The following NXPH2 variants were observed in gnomAD, a reference collection of about 807,000 sequenced individuals.
The protein encoded by NXPH2 is neurexophilin-2.
A neutral mutation model predicts 19.8 loss-of-function variants in NXPH2; 5 were observed. That is an observed-to-expected ratio of 0.25 (90% CI 0.13 to 0.53). The LOEUF is 0.53. Ranked by LOEUF, NXPH2 falls within the 20% of genes least tolerant of loss-of-function variation. NXPH2 has a pLI of 0.96. For missense variants in NXPH2, 289 were observed against 322.8 expected (o/e 0.90, Z 0.80); for synonymous variants, 154 against 127.4 (o/e 1.21, Z -1.41).
At chr2:138,718,049 G>A (rs926410204) in intron 1 of NXPH2, among the ~76,000 whole-genome samples, 3 of 151,998 alleles carry the variant, frequency 2.0e-5, no homozygotes, top group Admixed American at 1.3e-4. Flanking sequence ...TAAAAAATGG[G>A]TTCAGGAAGT....
At chr2:138,699,056 A>G (rs1347889579) in intron 1 of NXPH2, among the ~76,000 whole-genome samples, 1 of 152,162 alleles carries the variant, frequency 6.6e-6, no homozygotes. Context: ...ACTAAATAGA[A>G]ATGAAAAAAT....
chr2:138,686,125 T>C (rs1680646866), intron 1 of NXPH2, among the ~76,000 whole-genome samples: 1 of 152,208 alleles, frequency 6.6e-6, no homozygotes, highest in South Asian at 2.1e-4. Flanking sequence ...TAATTAAAAC[T>C]TAATCAATAA....
intron 1 of NXPH2, among the ~76,000 whole-genome samples, chr2:138,756,292 C>T (rs941970783): frequency 2.6e-5 from 4 of 151,982 alleles, no homozygotes; most frequent in African/African-American, 4.8e-5. Flanking sequence ...CACTGTTAGG[C>T]CAAGATATGT....
In NXPH2 at chr2:138,699,074, A is replaced by C. The variant is rs182576443; in HGVS notation, c.52-27409T>G. Among the ~76,000 whole-genome samples the C allele has an allele frequency of 1.6e-4, 25 of 152,302 alleles. No individual in the cohort carries two copies. The East Asian group carries it at 4.6e-3, about 28-fold the overall frequency. ...AAATAGAAATGAAAAAATTATTGAA[A>C]ATGTATGTGAATGTATGTATGTACA... On this transcript the variant is annotated intron_variant, in intron 1 of 1. Transcript: ENST00000272641.
intron 1 of NXPH2, among the ~76,000 whole-genome samples, chr2:138,713,973 C>CAAA (rs202017615): frequency 2.5e-4 from 36 of 142,550 alleles, no homozygotes; most frequent in South Asian, 1.3e-3. Context: ...AACAAAAAAG[C>CAAA]AAAAAAAAAA....
At chr2:138,706,641 G>A (rs1026584407) in intron 1 of NXPH2, among the ~76,000 whole-genome samples, 5 of 152,150 alleles carry the variant, frequency 3.3e-5, no homozygotes, top group Non-Finnish European at 5.9e-5. Flanking sequence ...GCCAGGTGTC[G>A]TGGTTCACGC....
At chr2:138,731,363 T>G (rs546983642) in intron 1 of NXPH2, among the ~76,000 whole-genome samples, 1 of 152,176 alleles carries the variant, frequency 6.6e-6, no homozygotes, top group African/African-American at 2.4e-5. Context: ...TTTTATTGTG[T>G]ACCTGCTCTT....
chr2:138,771,747 G>A (rs57860307), intron 1 of NXPH2, among the ~76,000 whole-genome samples: 31 of 152,142 alleles, frequency 2.0e-4, no homozygotes, highest in African/African-American at 6.7e-4. Context: ...GTCCAGAGTC[G>A]GGGCAAGGCA....
At chr2:138,692,548 C>T (rs1680761235) in intron 1 of NXPH2, among the ~76,000 whole-genome samples, 1 of 152,090 alleles carries the variant, frequency 6.6e-6, no homozygotes, top group South Asian at 2.1e-4. Context: ...TCCTAAATGT[C>T]CGCTGAAGAT....
At chr2:138,722,533 C>T (rs922889886) in intron 1 of NXPH2, among the ~76,000 whole-genome samples, 4 of 152,326 alleles carry the variant, frequency 2.6e-5, no homozygotes, top group South Asian at 4.1e-4. Flanking sequence ...AGAAGAGAGG[C>T]ACCATCTAAC....
chr2:138,716,551 A>C (rs764687690), intron 1 of NXPH2, among the ~76,000 whole-genome samples: 8 of 152,192 alleles, frequency 5.3e-5, no homozygotes, highest in Admixed American at 1.3e-4. Flanking sequence ...ACTGTGAGCA[A>C]TAAACATCTG....
At chr2:138,697,754 T>C (rs2104979986) in intron 1 of NXPH2, among the ~76,000 whole-genome samples, 1 of 151,980 alleles carries the variant, frequency 6.6e-6, no homozygotes, top group East Asian at 1.9e-4. Context: ...ATAAAAATAA[T>C]AAACTAATAG....
At chr2:138,758,082 G>A (rs571660947) in intron 1 of NXPH2, among the ~76,000 whole-genome samples, 1 of 152,160 alleles carries the variant, frequency 6.6e-6, no homozygotes, top group East Asian at 1.9e-4. Context: ...CATGTTTTTA[G>A]AGAAATTTCT....
Position 138,718,520 on chromosome 2 carries a change from A to G in NXPH2, c.52-46855T>C, listed in dbSNP as rs191261546. 1.6e-4 allele frequency among the ~76,000 whole-genome samples: 24 copies of G among 152,320 alleles called. No individual in the cohort carries two copies. In the South Asian group the frequency reaches 2.5e-3, roughly 16 times the overall value. ...TTTCAGAAAGCTTGTTGCCCTCACA[A>G]GCTCTCCAAAAACATTACTCAAAAA... On this transcript the variant is annotated intron_variant, in intron 1 of 1. Transcript: ENST00000272641.
rs1242552023 is a variant in NXPH2 at position 138,763,763 on chromosome 2, C to T, written c.51+16428G>A. 1.3e-5 allele frequency among the ~76,000 whole-genome samples: 2 copies of T among 152,124 alleles called. 1 individual carries two copies. Among genetic ancestry groups the T allele is most frequent in the African/African-American group, 4.8e-5 (2 of 41,416 alleles). On this transcript the variant is annotated intron_variant, in intron 1 of 1. Coordinates refer to ENST00000272641, the MANE Select transcript of NXPH2 (RefSeq NM_007226.3). ...TCAAAACAAAGGGGTTTCGAGCACA[C>T]TTTGAAGGAAATCAGTGACACTGAA... is the stretch of plus-strand genomic sequence containing the variant.
chr2:138,679,760 C>G (rs906483394), intron 1 of NXPH2, among the ~76,000 whole-genome samples: 5 of 152,070 alleles, frequency 3.3e-5, no homozygotes, highest in Non-Finnish European at 7.4e-5. Flanking sequence ...ATTAACACAC[C>G]CTATTTAAGA....
At chr2:138,707,446 G>C (rs12479371) in intron 1 of NXPH2, among the ~76,000 whole-genome samples, 5 of 151,992 alleles carry the variant, frequency 3.3e-5, no homozygotes, top group South Asian at 4.2e-4. Flanking sequence ...GCCTGATCTG[G>C]GGGGGAGAAA....
intron 1 of NXPH2, among the ~76,000 whole-genome samples, chr2:138,772,239 C>T (rs1682190288): frequency 6.6e-6 from 1 of 152,228 alleles, no homozygotes; most frequent in South Asian, 2.1e-4. Context: ...ACTAACTTAA[C>T]ATGAAAATGG....
intron 1 of NXPH2, among the ~76,000 whole-genome samples, chr2:138,752,171 T>C (rs16841120): frequency 0.011 from 1,698 of 152,220 alleles, 29 homozygotes; most frequent in African/African-American, 0.038. Flanking sequence ...TACACTCAAA[T>C]CTTATTTACT....
Sources: allele counts gnomAD v4.1 joint callset (sites outside exome capture counted in the v4.1 genomes callset), GRCh38; gene constraint gnomAD v4.1.1; transcripts MANE v1.5; gene names NCBI Gene and HGNC (gene_info 2026-07-23, HGNC 2026-07-21).